Variants in TEX14 observed in about 807,000 individuals in gnomAD.
TEX14 encodes inactive serine/threonine-protein kinase TEX14.
TEX14 carries 168 observed loss-of-function variants against 178.6 expected under a neutral mutation model. The ratio of observed to expected loss-of-function variants is 0.94; its 90% CI spans 0.83 to 1.07. TEX14 has a LOEUF of 1.07. Ranked by LOEUF, TEX14 falls within the 50% of genes least tolerant of loss-of-function variation. The probability of loss-of-function intolerance (pLI) is 0.00; values close to 1 mark genes in which losing one functional copy is unlikely to be tolerated. For missense variants in TEX14, 1,730 were observed against 1,753.6 expected (o/e 0.99, Z 0.24); for synonymous variants, 626 against 634.1 (o/e 0.99, Z 0.19).
At chr17:58,666,691 T>C (rs1253391790) in intron 1 of TEX14, 1 of 152,268 alleles carries the variant, frequency 6.6e-6, no homozygotes, top group South Asian at 2.1e-4. Context: ...TCCTGACAGG[T>C]AATTATGAGG....
chr17:58,566,801 A>C (rs1218237953), intron 26 of TEX14, among the ~76,000 whole-genome samples: 1 of 149,526 alleles, frequency 6.7e-6, no homozygotes, highest in African/African-American at 2.4e-5. Context: ...TCTGTCTCAA[A>C]AAAAAAAAAA....
chr17:58,650,602 C>T (rs1380455912), intron 2 of TEX14, among the ~76,000 whole-genome samples: 3 of 152,014 alleles, frequency 2.0e-5, no homozygotes, highest in African/African-American at 7.2e-5. Flanking sequence ...CGCTACCATG[C>T]GTGTAGTGCC....
intron 2 of TEX14, among the ~76,000 whole-genome samples, chr17:58,636,270 A>G (rs1474837951): frequency 1.3e-5 from 2 of 152,198 alleles, no homozygotes; most frequent in South Asian, 2.1e-4. Flanking sequence ...AGGTAACTAA[A>G]AACAGTCCCA....
intron 2 of TEX14, among the ~76,000 whole-genome samples, chr17:58,646,201 A>C (rs1212908017): frequency 6.6e-6 from 1 of 152,256 alleles, no homozygotes; most frequent in Non-Finnish European, 1.5e-5. Flanking sequence ...CGCTATTATA[A>C]GTTAAAATGG....
chr17:58,609,331 G>A (rs1453541942), intron 10 of TEX14, among the ~76,000 whole-genome samples: 3 of 152,030 alleles, frequency 2.0e-5, no homozygotes, highest in East Asian at 1.9e-4. Flanking sequence ...GGATGGTCTC[G>A]ATTTCCTGAC....
At chr17:58,660,595 G>T in intron 1 of TEX14, 1 of 797,114 alleles carries the variant, frequency 1.3e-6, no homozygotes, top group Non-Finnish European at 2.3e-6. Flanking sequence ...TGTTCTGTCG[G>T]TTGCCGTAGC....
At chr17:58,681,575 C>T (rs1000074981) in intron 1 of TEX14, among the ~76,000 whole-genome samples, 4 of 151,496 alleles carry the variant, frequency 2.6e-5, no homozygotes, top group East Asian at 2.0e-4. Context: ...GAGGGCTGGT[C>T]GCAGTGGCTC....
At position 58,617,596 on chromosome 17, in the gene TEX14, C is replaced by A. The variant is rs763188549; in HGVS notation, c.578G>T (p.Arg193Leu). 1 of 1,612,946 alleles carries A rather than the reference C, an allele frequency of 6.2e-7. No individual in the cohort carries two copies. Among genetic ancestry groups the A allele is most frequent in the Non-Finnish European group, 8.5e-7 (1 of 1,179,358 alleles). Residue 193 changes from arginine (R) to leucine (L), a missense_variant, in exon 6 of 32, where the codon CGA becomes CTA. By Grantham distance (102) the Arg-to-Leu change is moderately radical (BLOSUM62 -2). Coordinates refer to ENST00000349033, the MANE Select transcript of TEX14 (RefSeq NM_031272.5). ...VQGNPNGSPN[R>L]LLKAGVISAQ... Reference sequence around the variant, plus strand: ...AGAAATGACTCCAGCTTTAAGCAGTCGGTTAGGAGAGCCATTAGGGTTTCT... The same window carrying A: ...AGAAATGACTCCAGCTTTAAGCAGTAGGTTAGGAGAGCCATTAGGGTTTCT...
At position 58,599,655 on chromosome 17, in the gene TEX14, G is replaced by T; in HGVS notation, c.1690C>A (p.His564Asn). The T allele has an allele frequency of 6.2e-7, 1 of 1,608,766 alleles. No homozygotes were observed. Among genetic ancestry groups the T allele is most frequent in the Non-Finnish European group, 8.5e-7 (1 of 1,177,972 alleles). ...AATAAAGAGTGAACCCTTGGTGAAT[G>T]AGGTTGACTGCCTATTGAAAAAAAC... ...IELKEMGSQP[H>N]SPRVHSLFTE... The change falls in exon 14 of 32, where the codon CAT (histidine) becomes AAT (asparagine). Residue 564 changes from histidine to asparagine, a missense_variant. Transcript: ENST00000349033.
chr17:58,571,048 AT>A (rs1408374840), intron 24 of TEX14, among the ~76,000 whole-genome samples: 1 of 152,000 alleles, frequency 6.6e-6, no homozygotes, highest in Non-Finnish European at 1.5e-5. Context: ...TGTCTTTCTT[AT>A]TCACACTTGG....
intron 2 of TEX14, among the ~76,000 whole-genome samples, chr17:58,650,161 G>A (rs1416915373): frequency 6.6e-6 from 1 of 151,826 alleles, no homozygotes; most frequent in Non-Finnish European, 1.5e-5. Flanking sequence ...GAGTTCAAGC[G>A]ATTCTCCTGC....
At position 58,587,807 on chromosome 17, in the gene TEX14, T is replaced by G. The variant is rs1052619915; in HGVS notation, c.2702+89A>C. On this transcript the variant is annotated intron_variant, in intron 16 of 31. Transcript: ENST00000349033. ...CTACTCCCTAAGCCATTCCTAGAGT[T>G]GCACTGACCCCTTTGCACCAGCAGA... The G allele has an allele frequency of 8.0e-6, 10 of 1,247,712 alleles. No individual in the cohort carries two copies. The Admixed American group carries it at 1.5e-4, about 19-fold the overall frequency. The allele number at this position is 1,247,712 out of a possible 1,614,324, so 77.3% of individuals were successfully genotyped here.
intron 23 of TEX14, among the ~76,000 whole-genome samples, chr17:58,572,500 C>T (rs919702515): frequency 1.3e-5 from 2 of 151,944 alleles, no homozygotes; most frequent in East Asian, 1.9e-4. Context: ...GGTGCGGTGG[C>T]GGGCGCCTGT....
intron 26 of TEX14, among the ~76,000 whole-genome samples, chr17:58,567,450 A>T (rs2044426074): frequency 6.6e-6 from 1 of 152,132 alleles, no homozygotes; most frequent in Non-Finnish European, 1.5e-5. Flanking sequence ...TTGAAATTTA[A>T]AAAATCCATT....
At chr17:58,608,848 T>TA (rs1266420229) in intron 10 of TEX14, among the ~76,000 whole-genome samples, 1 of 152,144 alleles carries the variant, frequency 6.6e-6, no homozygotes, top group Non-Finnish European at 1.5e-5. Context: ...AGCAGTGTAG[T>TA]AAAAGTGCCT....
intron 1 of TEX14, chr17:58,661,557 G>A (rs2047111057): frequency 1.3e-6 from 1 of 751,138 alleles, no homozygotes; most frequent in African/African-American, 1.7e-5. Context: ...AACAGCTCGG[G>A]GAGCCGCGGC....
rs902684295 is a variant in TEX14, at chr17:58,598,920, C to G, written c.2425G>C (p.Asp809His). 3 of 1,613,728 alleles carry G rather than the reference C, an allele frequency of 1.9e-6. No individual in the cohort carries two copies. In the Admixed American group the frequency reaches 5.0e-5, roughly 27 times the overall value. Residue 809 changes from aspartate to histidine, a missense_variant, in exon 14 of 32, where the codon GAC (aspartate) becomes CAC (histidine). By Grantham distance (81) the Asp-to-His change is moderately conservative. Transcript: ENST00000349033. Reference protein sequence around the residue: ...VLQLSGGQKPDTSGNYPTLPR... With the variant: ...VLQLSGGQKPHTSGNYPTLPR... Reference sequence around the variant, plus strand: ...AGGGTTGGGTAGTTGCCACTGGTGTCTGGCTTCTGACCCCCTGAAAGCTGT... The same window carrying G: ...AGGGTTGGGTAGTTGCCACTGGTGTGTGGCTTCTGACCCCCTGAAAGCTGT...
chr17:58,560,993 A>G (rs542347725), intron 29 of TEX14, among the ~76,000 whole-genome samples: 2 of 152,346 alleles, frequency 1.3e-5, no homozygotes, highest in Admixed American at 6.5e-5. Context: ...TACTGGGCAT[A>G]CAAAAATAAG....
intron 2 of TEX14, among the ~76,000 whole-genome samples, chr17:58,639,345 C>A (rs2046517183): frequency 1.2e-5 from 1 of 86,132 alleles, no homozygotes; most frequent in African/African-American, 5.2e-5. Context: ...AAATAAGGTG[C>A]CAGTAGTGTA....
Sources: allele counts gnomAD v4.1 joint callset (sites outside exome capture counted in the v4.1 genomes callset), GRCh38; gene constraint gnomAD v4.1.1; transcripts MANE v1.5; gene names NCBI Gene and HGNC (gene_info 2026-07-23, HGNC 2026-07-21).